NUP62: variants seen among roughly 807,000 people sequenced by gnomAD.
NUP62 encodes the protein nuclear pore glycoprotein p62.
For synonymous variants in NUP62, 305 were observed against 303.4 expected, an observed-to-expected ratio of 1.01 and a Z score of -0.05; for missense variants, 647 against 689.4, an observed-to-expected ratio of 0.94 and a Z score of 0.69.
At position 49,907,223 on chromosome 19, in the gene NUP62, T is replaced by C; in HGVS notation, c.*1016A>G. The C allele has an allele frequency of 4.1e-6, 1 of 243,872 alleles. No individual in the cohort carries two copies. The highest frequency in any genetic ancestry group is 3.9e-5 in the South Asian group (1 of 25,644). 15.1% of individuals were successfully genotyped at this position (243,872 alleles called of 1,614,324 possible). ...ATAGCATAACAAGTGCCACCCAAGG[T>C]ACAGGCTCAGGGTGCTACGGGGACC... On this transcript the variant is annotated 3_prime_UTR_variant, in exon 3 of 3. Coordinates refer to ENST00000352066, the MANE Select transcript of NUP62 (RefSeq NM_016553.5).
rs755569462 is a variant in NUP62, at chr19:49,921,059, G to C, written c.-78+6635C>G. Among the ~76,000 whole-genome samples, 42 of 152,150 alleles carry C rather than the reference G, an allele frequency of 2.8e-4. No homozygotes were observed. The highest frequency in any genetic ancestry group is 4.7e-4 in the Non-Finnish European group (32 of 68,030). On this transcript the variant is annotated intron_variant, in intron 2 of 2. Transcript: ENST00000352066. This position sits in a 1 kb window ranked among gnomAD's most constrained non-coding sequence, Gnocchi z 5.4. Reference sequence around the variant, plus strand: ...ATTATGAGAACTGGAAGCAAACACAGCCCCTTCCTGCCTCGGCGGACATCT... The same window carrying C: ...ATTATGAGAACTGGAAGCAAACACACCCCCTTCCTGCCTCGGCGGACATCT...
chr19:49,919,826 T>C (rs2122714041), intron 2 of NUP62, among the ~76,000 whole-genome samples: 1 of 152,260 alleles, frequency 6.6e-6, no homozygotes, highest in South Asian at 2.1e-4. Context: ...GGAAGAGATT[T>C]GAGGAATACT....
In NUP62 at chr19:49,909,094, G is replaced by A. The variant is rs199549453; in HGVS notation, c.714C>T (p.Ser238=). 28 of 1,612,454 alleles carry A rather than the reference G, an allele frequency of 1.7e-5. No individual in the cohort carries two copies. The highest frequency in any genetic ancestry group is 2.7e-5 in the African/African-American group (2 of 74,938). ...CCGCTGTGGTCACAGGGGTACAGAGGGAGAGTCCAGTGGTGGCAGATGAGG... is the reference window on the plus strand; with the variant it reads ...CCGCTGTGGTCACAGGGGTACAGAGAGAGAGTCCAGTGGTGGCAGATGAGG... ...APTSSATTGL[S]LCTPVTTAGA... is the part of the protein sequence containing the mutation. The change falls in exon 3 of 3, where the codon TCC becomes TCT. Residue 238 remains serine (S), a synonymous_variant. Transcript: ENST00000352066.
intron 2 of NUP62, among the ~76,000 whole-genome samples, chr19:49,923,970 C>G (rs1374554855): frequency 6.6e-6 from 1 of 152,254 alleles, no homozygotes; most frequent in Non-Finnish European, 1.5e-5. Context: ...AAACTCGGAG[C>G]CTTTTCCATC....
At position 49,907,382 on chromosome 19, in the gene NUP62, G is replaced by A. The variant is rs982336521; in HGVS notation, c.*857C>T. The A allele has an allele frequency of 5.8e-6, 2 of 346,440 alleles. No individual in the cohort carries two copies. The highest frequency in any genetic ancestry group is 4.6e-5 in the African/African-American group (2 of 43,950). The allele number at this position is 346,440 out of a possible 1,614,324, so 21.5% of individuals were successfully genotyped here. On this transcript the variant is annotated 3_prime_UTR_variant, in exon 3 of 3. Transcript: ENST00000352066. Reference sequence around the variant, plus strand: ...CATCTGTGGTTCCTCAACACCCTGTGTGTGCAGGCCCCTCAGCTGACCTGT... The same window carrying A: ...CATCTGTGGTTCCTCAACACCCTGTATGTGCAGGCCCCTCAGCTGACCTGT...
chr19:49,909,359 G>T lies in NUP62; in HGVS notation c.449C>A (p.Ala150Asp), dbSNP rs1285379975. The T allele has an allele frequency of 6.2e-7, 1 of 1,613,824 alleles. No individual in the cohort carries two copies. The highest frequency in any genetic ancestry group is 8.5e-7 in the Non-Finnish European group (1 of 1,180,032). ...FVFGPSTTSV[A>D]PATTSGGFSF... ...GAAGCCTCCAGATGTGGTAGCTGGA[G>T]CCACAGAGGTGGTGGAGGGGCCAAA... Residue 150 changes from alanine (A) to aspartate (D), a missense_variant, in exon 3 of 3, where the codon GCT (alanine) becomes GAT (aspartate). Transcript: ENST00000352066.
In NUP62 at chr19:49,909,415, G is replaced by A; in HGVS notation, c.393C>T (p.Ser131=). 2.5e-6 allele frequency: 4 copies of A among 1,613,900 alleles called. No individual in the cohort carries two copies. Among genetic ancestry groups the A allele is most frequent in the Non-Finnish European group, 8.5e-7 (1 of 1,180,028 alleles). ...LTNAISSTVT[S]SQGTAPTGFV... is the part of the protein sequence containing the mutation. Reference sequence around the variant, plus strand: ...AGCCGGTGGGTGCTGTGCCCTGGCTGGAGGTGACGGTGCTCGATATGGCAT... The same window carrying A: ...AGCCGGTGGGTGCTGTGCCCTGGCTAGAGGTGACGGTGCTCGATATGGCAT... Residue 131 remains serine (S), a synonymous_variant, in exon 3 of 3, where the codon TCC becomes TCT. Transcript: ENST00000352066.
intron 2 of NUP62, among the ~76,000 whole-genome samples, chr19:49,912,224 G>T (rs2075485246): frequency 6.7e-6 from 1 of 148,786 alleles, no homozygotes; most frequent in Admixed American, 6.7e-5. Flanking sequence ...GGCTGGAGTG[G>T]AATGGCATGA....
intron 2 of NUP62, among the ~76,000 whole-genome samples, chr19:49,915,149 T>A (rs1455380538): frequency 6.6e-6 from 1 of 152,068 alleles, no homozygotes; most frequent in East Asian, 1.9e-4. Flanking sequence ...GGATGTGTGC[T>A]ATGTGTGTGG....
intron 2 of NUP62, among the ~76,000 whole-genome samples, chr19:49,920,522 A>C (rs939541853): frequency 1.3e-5 from 2 of 152,218 alleles, no homozygotes; most frequent in Admixed American, 6.5e-5. Flanking sequence ...AAAGCCACTC[A>C]ACCAACCAAC....
Position 49,920,343 on chromosome 19 carries a change from G to C in NUP62, c.-78+7351C>G, listed in dbSNP as rs748480167. On this transcript the variant is annotated intron_variant, in intron 2 of 2. Coordinates refer to ENST00000352066, the MANE Select transcript of NUP62 (RefSeq NM_016553.5). Reference sequence around the variant, plus strand: ...AGATCCGCCCACCTCGGTCTCCCAAGGTGCTGGGATTACAGGCGTGAGCCA... The same window carrying C: ...AGATCCGCCCACCTCGGTCTCCCAACGTGCTGGGATTACAGGCGTGAGCCA... 3.7e-4 allele frequency among the ~76,000 whole-genome samples: 57 copies of C among 152,178 alleles called. 1 individual carries two copies. The highest frequency in any genetic ancestry group is 1.3e-4 in the Non-Finnish European group (9 of 68,036).
chr19:49,907,962 A>C lies in NUP62; in HGVS notation c.*277T>G. 1.7e-6 allele frequency: 1 copy of C among 576,652 alleles called. No individual in the cohort carries two copies. The highest frequency in any genetic ancestry group is 3.0e-6 in the Non-Finnish European group (1 of 336,880). 35.7% of individuals were successfully genotyped at this position (576,652 alleles called of 1,614,324 possible). Reference sequence around the variant, plus strand: ...CACTTCTCCATCACCAGGCTGAGCCAGGATGAGGTGGGTGGTCGCAGTAGG... The same window carrying C: ...CACTTCTCCATCACCAGGCTGAGCCCGGATGAGGTGGGTGGTCGCAGTAGG... On this transcript the variant is annotated 3_prime_UTR_variant, in exon 3 of 3. Coordinates refer to ENST00000352066, the MANE Select transcript of NUP62 (RefSeq NM_016553.5).
intron 2 of NUP62, among the ~76,000 whole-genome samples, chr19:49,922,251 C>T (rs188853064): frequency 3.3e-5 from 5 of 152,328 alleles, no homozygotes; most frequent in East Asian, 3.9e-4. Flanking sequence ...AGGTGCCCTG[C>T]GAGTCCCTGT....
chr19:49,917,416 C>T (rs904954791), intron 2 of NUP62, among the ~76,000 whole-genome samples: 1 of 152,224 alleles, frequency 6.6e-6, no homozygotes, highest in South Asian at 2.1e-4. Context: ...GAAAATCCCC[C>T]TAAACCTTGA....
rs771041868 is a variant in NUP62, at chr19:49,909,213, T to C, written c.595A>G (p.Thr199Ala). ...PFTPATPAATTAGATQPAAPT... is the reference protein window; with the variant it reads ...PFTPATPAATAAGATQPAAPT... ...GCAGCTGGCTGTGTGGCACCTGCTG[T>C]GGTGGCTGCTGGCGTGGCCGGAGTG... The change falls in exon 3 of 3, where the codon ACA (threonine) becomes GCA (alanine). Residue 199 changes from threonine to alanine, a missense_variant. Thr to Ala is a moderately conservative substitution (Grantham distance 58, BLOSUM62 0). Transcript: ENST00000352066. 3.7e-6 allele frequency: 6 copies of C among 1,613,916 alleles called. No individual in the cohort carries two copies. Among genetic ancestry groups the C allele is most frequent in the Non-Finnish European group, 5.1e-6 (6 of 1,180,014 alleles).
chr19:49,929,055 G>A (rs549695089), intron 1 of NUP62: 1 of 152,406 alleles, frequency 6.6e-6, no homozygotes, highest in East Asian at 1.9e-4. Context: ...CTAGGAGTGG[G>A]AAGGAAAGGC....
At chr19:49,910,412 C>T (rs865807265) in intron 2 of NUP62, among the ~76,000 whole-genome samples, 15 of 152,222 alleles carry the variant, frequency 9.9e-5, no homozygotes, top group African/African-American at 3.4e-4. Context: ...CAGGCCCACA[C>T]CTGCACTCTC....
intron 2 of NUP62, among the ~76,000 whole-genome samples, chr19:49,919,571 C>T (rs2075714079): frequency 6.6e-6 from 1 of 152,222 alleles, no homozygotes; most frequent in South Asian, 2.1e-4. Flanking sequence ...TGTGGATTCA[C>T]TGATTTTCAA....
In NUP62 at chr19:49,907,537, CTTTTTT is replaced by C. The variant is rs4009637; in HGVS notation, c.*696_*701del. The C allele has an allele frequency of 8.0e-4, 267 of 332,018 alleles. No homozygotes were observed. The highest frequency in any genetic ancestry group is 1.7e-3 in the East Asian group (20 of 11,658). The allele number at this position is 332,018 out of a possible 1,614,324, so 20.6% of individuals were successfully genotyped here. ...CTAGGCTGCTGTCTCCTGGGAGTTT[CTTTTTT>C]TTTTTTTTTTTTTTTGAGACAGAGT... On this transcript the variant is annotated 3_prime_UTR_variant, in exon 3 of 3. Transcript: ENST00000352066.
Sources: allele counts gnomAD v4.1 joint callset (sites outside exome capture counted in the v4.1 genomes callset), GRCh38; gene constraint gnomAD v4.1.1; non-coding constraint Gnocchi (gnomAD v3.1); transcripts MANE v1.5; gene names NCBI Gene and HGNC (gene_info 2026-07-23, HGNC 2026-07-21).